Variants in GUCY1A2 observed in about 807,000 individuals in gnomAD.
The protein encoded by GUCY1A2 is guanylate cyclase 1 soluble subunit alpha 2.
Under a neutral mutation model 63.5 loss-of-function variants are expected in GUCY1A2, and 27 were observed. That is an observed-to-expected ratio of 0.43 (90% confidence interval 0.31 to 0.59). The LOEUF (loss-of-function observed/expected upper bound fraction) is 0.59. Ranked by LOEUF, GUCY1A2 falls within the 20% of genes least tolerant of loss-of-function variation. The pLI is 0.11. For synonymous variants in GUCY1A2, 364 were observed against 343.5 expected, an observed-to-expected ratio of 1.06 and a Z score of -0.66; for missense variants, 768 against 913.3, an observed-to-expected ratio of 0.84 and a Z score of 2.05.
intron 4 of GUCY1A2, among the ~76,000 whole-genome samples, chr11:106,866,407 C>G (rs1859594423): frequency 6.6e-6 from 1 of 152,046 alleles, no homozygotes; most frequent in South Asian, 2.1e-4. Flanking sequence ...CAATGCATGA[C>G]TTGAGACAGT....
At chr11:106,867,009 T>G (rs1859603297) in intron 4 of GUCY1A2, among the ~76,000 whole-genome samples, 1 of 152,032 alleles carries the variant, frequency 6.6e-6, no homozygotes, top group South Asian at 2.1e-4. Flanking sequence ...TAACCAAACT[T>G]TCTTTAGAAT....
intron 4 of GUCY1A2, among the ~76,000 whole-genome samples, chr11:106,865,766 T>C (rs924244676): frequency 6.6e-6 from 1 of 151,798 alleles, no homozygotes; most frequent in Non-Finnish European, 1.5e-5. Context: ...AACCTGCATA[T>C]TGTGCATATG....
intron 6 of GUCY1A2, among the ~76,000 whole-genome samples, chr11:106,774,237 A>AT (rs1174933250): frequency 2.0e-4 from 31 of 151,730 alleles, no homozygotes; most frequent in African/African-American, 6.3e-4. Context: ...GGTTCACGCC[A>AT]TTCTCTGCCT....
chr11:106,836,070 G>T (rs1189898929), intron 4 of GUCY1A2, among the ~76,000 whole-genome samples: 1 of 151,900 alleles, frequency 6.6e-6, no homozygotes, highest in Non-Finnish European at 1.5e-5. Context: ...TTATGTAAAT[G>T]AAAAGTTTTA....
At chr11:106,773,953 A>G (rs1002700114) in intron 6 of GUCY1A2, among the ~76,000 whole-genome samples, 4 of 152,198 alleles carry the variant, frequency 2.6e-5, no homozygotes, top group Non-Finnish European at 5.9e-5. Flanking sequence ...AAAATTTTCT[A>G]ATGACAAATT....
chr11:106,964,436 C>A (rs1861100634), intron 3 of GUCY1A2, among the ~76,000 whole-genome samples: 1 of 152,086 alleles, frequency 6.6e-6, no homozygotes, highest in South Asian at 2.1e-4. Flanking sequence ...AGGTACCTGA[C>A]CACTAGGTAC....
At chr11:106,851,987 G>C (rs945627830) in intron 4 of GUCY1A2, among the ~76,000 whole-genome samples, 1 of 151,890 alleles carries the variant, frequency 6.6e-6, no homozygotes, top group Admixed American at 6.6e-5. Flanking sequence ...ATGAGCAAGG[G>C]ATGTCATTCC....
chr11:106,679,548 AATTT>A lies in GUCY1A2; in HGVS notation c.*7997_*8000del, dbSNP rs1862398224. ...AAATTTTTCAACTAAGGGAATATGT[AATTT>A]ATTTAATGTCAGAACAACAACAAAT... On this transcript the variant is annotated 3_prime_UTR_variant, in exon 8 of 8. Coordinates refer to ENST00000526355, the MANE Select transcript of GUCY1A2 (RefSeq NM_000855.3). 9.9e-6 allele frequency: 2 copies of A among 201,854 alleles called. No individual in the cohort carries two copies. The highest frequency in any genetic ancestry group is 1.9e-4 in the South Asian group (1 of 5,280). 12.5% of individuals were successfully genotyped at this position (201,854 alleles called of 1,614,324 possible).
chr11:106,887,623 C>G (rs1480590252), intron 4 of GUCY1A2, among the ~76,000 whole-genome samples: 1 of 152,184 alleles, frequency 6.6e-6, no homozygotes, highest in African/African-American at 2.4e-5. Flanking sequence ...TTCAATGACT[C>G]TGAGTCACAC....
intron 3 of GUCY1A2, among the ~76,000 whole-genome samples, chr11:106,956,801 G>T (rs1391782633): frequency 6.6e-6 from 1 of 152,166 alleles, no homozygotes; most frequent in East Asian, 1.9e-4. Flanking sequence ...GAAGCACTTT[G>T]TCCTTTGGTG....
chr11:106,731,079 G>T (rs2135371488), intron 6 of GUCY1A2, among the ~76,000 whole-genome samples: 1 of 152,102 alleles, frequency 6.6e-6, no homozygotes, highest in Non-Finnish European at 1.5e-5. Flanking sequence ...TTCTTTTGGT[G>T]TGCAGATCTT....
intron 3 of GUCY1A2, among the ~76,000 whole-genome samples, chr11:106,970,693 A>G (rs1161404304): frequency 6.6e-6 from 1 of 152,218 alleles, no homozygotes; most frequent in East Asian, 1.9e-4. Flanking sequence ...ACAAGGTTAA[A>G]CATAGTCCAA....
At chr11:106,759,937 A>G (rs189913195) in intron 6 of GUCY1A2, among the ~76,000 whole-genome samples, 21 of 152,214 alleles carry the variant, frequency 1.4e-4, no homozygotes, top group Admixed American at 3.9e-4. Flanking sequence ...CTCTGTCTCA[A>G]AAAAACGAAA....
Position 106,810,339 on chromosome 11 carries a change from G to T in GUCY1A2, c.1346C>A (p.Thr449Asn). ...HLSDIPIHDA[T>N]RDVILVGEQA... ...CTCACCAACCAAAATGACATCTCGGGTGGCATCATGGATAGGGATGTCTGA... is the reference window on the plus strand; with the variant it reads ...CTCACCAACCAAAATGACATCTCGGTTGGCATCATGGATAGGGATGTCTGA... Residue 449 changes from threonine to asparagine, a missense_variant, in exon 5 of 8, where the codon ACC becomes AAC. Physicochemically the swap from Thr to Asn is moderately conservative, Grantham distance 65 (BLOSUM62 0). Coordinates refer to ENST00000526355, the MANE Select transcript of GUCY1A2 (RefSeq NM_000855.3). 2 of 1,613,834 alleles carry T rather than the reference G, an allele frequency of 1.2e-6. No individual in the cohort carries two copies. Among genetic ancestry groups the T allele is most frequent in the Non-Finnish European group, 8.5e-7 (1 of 1,179,896 alleles).
At chr11:106,803,254 A>T (rs1239588503) in intron 5 of GUCY1A2, among the ~76,000 whole-genome samples, 1 of 152,174 alleles carries the variant, frequency 6.6e-6, no homozygotes, top group African/African-American at 2.4e-5. Context: ...AAATATTGTC[A>T]TCTTTATAAA....
chr11:106,694,631 C>A (rs774620680), intron 7 of GUCY1A2, among the ~76,000 whole-genome samples: 2 of 152,170 alleles, frequency 1.3e-5, no homozygotes, highest in African/African-American at 4.8e-5. Flanking sequence ...ACTGGTGACA[C>A]GTTAGTCTAA....
intron 4 of GUCY1A2, chr11:106,827,069 T>C: frequency 6.5e-7 from 1 of 1,539,330 alleles, no homozygotes; most frequent in Non-Finnish European, 9.0e-7. Context: ...GACTTTTTCT[T>C]CAAAATTCTA....
At chr11:106,872,091 CAGAGAA>C (rs1168599642) in intron 4 of GUCY1A2, among the ~76,000 whole-genome samples, 10 of 152,050 alleles carry the variant, frequency 6.6e-5, no homozygotes, top group Admixed American at 6.6e-4. Flanking sequence ...GTTGATAACA[CAGAGAA>C]AGAGAATGAA....
intron 6 of GUCY1A2, among the ~76,000 whole-genome samples, chr11:106,770,453 T>A (rs1305554732): frequency 6.6e-6 from 1 of 152,122 alleles, no homozygotes; most frequent in African/African-American, 2.4e-5. Context: ...TTAGTTTTTC[T>A]TTTTTCTAAA....
Sources: allele counts gnomAD v4.1 joint callset (sites outside exome capture counted in the v4.1 genomes callset), GRCh38; gene constraint gnomAD v4.1.1; transcripts MANE v1.5; gene names NCBI Gene and HGNC (gene_info 2026-07-23, HGNC 2026-07-21).